ANXA13: variants seen among roughly 807,000 people sequenced by gnomAD.
ANXA13 encodes the protein annexin XIII.
ANXA13 carries 36 observed loss-of-function variants against 46.6 expected under a neutral mutation model. The observed-to-expected ratio is 0.77, with a 90% CI of 0.59 to 1.02. The LOEUF (loss-of-function observed/expected upper bound fraction) is 1.02, where lower values mean the gene tolerates loss of function less well. Among genes scored for constraint, ANXA13 ranks in the 50% least tolerant of loss-of-function variants. The probability of loss-of-function intolerance (pLI) is 0.00; values close to 1 mark genes in which losing one functional copy is unlikely to be tolerated. For synonymous variants in ANXA13, 163 were observed against 152.9 expected, an observed-to-expected ratio of 1.07 and a Z score of -0.49; for missense variants, 417 against 396.5, an observed-to-expected ratio of 1.05 and a Z score of -0.44.
chr8:123,705,729 C>T (rs1193988629), intron 2 of ANXA13, among the ~76,000 whole-genome samples: 3 of 151,940 alleles, frequency 2.0e-5, no homozygotes, highest in Admixed American at 2.0e-4. Context: ...CCTGAAGGAA[C>T]AAGATCGTGC....
intron 1 of ANXA13, chr8:123,735,693 T>C (rs2129962010): frequency 6.7e-7 from 1 of 1,496,372 alleles, no homozygotes; most frequent in Admixed American, 2.1e-5. Flanking sequence ...TGGGGGCTCA[T>C]ATTGGCCCCA....
At chr8:123,714,167 T>C (rs1318984626) in intron 1 of ANXA13, among the ~76,000 whole-genome samples, 1 of 152,192 alleles carries the variant, frequency 6.6e-6, no homozygotes, top group African/African-American at 2.4e-5. Context: ...CTTATTCTCC[T>C]TATTTCCCCT....
At chr8:123,713,530 T>G (rs999852728) in intron 1 of ANXA13, among the ~76,000 whole-genome samples, 4 of 152,192 alleles carry the variant, frequency 2.6e-5, no homozygotes, top group African/African-American at 9.7e-5. Flanking sequence ...CAGTATTGCT[T>G]GCATAAATGG....
At chr8:123,715,295 T>A (rs1340730910) in intron 1 of ANXA13, among the ~76,000 whole-genome samples, 1 of 152,214 alleles carries the variant, frequency 6.6e-6, no homozygotes, top group Non-Finnish European at 1.5e-5. Flanking sequence ...GCTGCACACT[T>A]ATAAAGGCCA....
At chr8:123,683,038 C>G (rs1813067003) in intron 10 of ANXA13, among the ~76,000 whole-genome samples, 1 of 152,166 alleles carries the variant, frequency 6.6e-6, no homozygotes, top group South Asian at 2.1e-4. Flanking sequence ...CTCAAGATCT[C>G]TCATCTCTCA....
rs78928798 is a variant in ANXA13, at chr8:123,715,748, G to A, written c.16-2995C>T. ...GAAGCTGTGAGGGCTTGCAGAGACC[G>A]TGTGGAGACTTGTCTAAGATCACCT... On this transcript the variant is annotated intron_variant, in intron 1 of 10. Transcript: ENST00000419625. Among the ~76,000 whole-genome samples the A allele has an allele frequency of 1.9e-3, 286 of 152,328 alleles. 2 individuals carry two copies. The highest frequency in any genetic ancestry group is 6.2e-3 in the African/African-American group (258 of 41,576).
intron 1 of ANXA13, among the ~76,000 whole-genome samples, chr8:123,722,342 A>AAAAGAAAAGAAAGAAAGAAAG (rs774963834): frequency 1.2e-4 from 16 of 136,860 alleles, no homozygotes; most frequent in Admixed American, 2.3e-4. Flanking sequence ...GAAAGAAAAG[A>AAAAGAAAAGAAAGAAAGAAAG]AAAGAAAGAA....
intron 4 of ANXA13, among the ~76,000 whole-genome samples, chr8:123,697,499 C>T (rs919920514): frequency 3.3e-5 from 5 of 152,134 alleles, no homozygotes; most frequent in African/African-American, 9.7e-5. Flanking sequence ...TAGCCTGGAC[C>T]CTGGCGGCAC....
At chr8:123,683,861 A>G (rs1344437063) in intron 10 of ANXA13, among the ~76,000 whole-genome samples, 1 of 152,190 alleles carries the variant, frequency 6.6e-6, no homozygotes, top group African/African-American at 2.4e-5. Flanking sequence ...TGCTGGGATT[A>G]CAGGCATGAG....
chr8:123,688,919 T>C lies in ANXA13; in HGVS notation c.670A>G (p.Ile224Val), dbSNP rs765213376. ...ILIGKDIEEA[I>V]EEETSGDLQK... ...AAGTCGCCTGATGTTTCTTCTTCAA[T>C]GGCTTCTTCTATGTCTTTGCCAATG... The change falls in exon 9 of 11, where the codon ATT (isoleucine) becomes GTT (valine). Residue 224 changes from isoleucine (I) to valine (V), a missense_variant. Coordinates refer to ENST00000419625, the MANE Select transcript of ANXA13 (RefSeq NM_004306.4). 5.0e-6 allele frequency: 8 copies of C among 1,613,840 alleles called. No homozygotes were observed. The South Asian group carries it at 8.8e-5, about 18-fold the overall frequency.
chr8:123,718,602 C>G (rs988670531), intron 1 of ANXA13, among the ~76,000 whole-genome samples: 2 of 152,218 alleles, frequency 1.3e-5, no homozygotes, highest in Admixed American at 1.3e-4. Flanking sequence ...GGTGCATGAA[C>G]AAGGCAGCAC....
At chr8:123,715,666 C>G (rs1005584785) in intron 1 of ANXA13, among the ~76,000 whole-genome samples, 3 of 152,216 alleles carry the variant, frequency 2.0e-5, no homozygotes, top group African/African-American at 7.2e-5. Flanking sequence ...GCTTGCCAAG[C>G]CTGGTGCTGG....
intron 2 of ANXA13, among the ~76,000 whole-genome samples, chr8:123,706,215 T>C (rs1813536738): frequency 6.6e-6 from 1 of 152,220 alleles, no homozygotes; most frequent in South Asian, 2.1e-4. Context: ...GGGAATCCAA[T>C]TACTCATTCT....
At position 123,681,096 on chromosome 8, in the gene ANXA13, G is replaced by T; in HGVS notation, c.*144C>A. On this transcript the variant is annotated 3_prime_UTR_variant, in exon 11 of 11. Transcript: ENST00000419625. ...TACTGCCCTTAACTTACACAGCTTGGCCTGGCTGCGCCACTTAAGCTGCCA... is the reference window on the plus strand; with the variant it reads ...TACTGCCCTTAACTTACACAGCTTGTCCTGGCTGCGCCACTTAAGCTGCCA... 8.6e-7 allele frequency: 1 copy of T among 1,161,868 alleles called. No homozygotes were observed. Among genetic ancestry groups the T allele is most frequent in the Non-Finnish European group, 1.2e-6 (1 of 843,080 alleles). The allele number at this position is 1,161,868 out of a possible 1,614,324, so 72.0% of individuals were successfully genotyped here.
At chr8:123,718,762 C>T (rs769667858) in intron 1 of ANXA13, among the ~76,000 whole-genome samples, 2 of 152,142 alleles carry the variant, frequency 1.3e-5, no homozygotes, top group East Asian at 3.8e-4. Context: ...AGAAAATAAA[C>T]GAGATGCTCT....
intron 3 of ANXA13, among the ~76,000 whole-genome samples, chr8:123,700,686 T>C (rs1264239477): frequency 3.9e-5 from 6 of 152,238 alleles, no homozygotes; most frequent in African/African-American, 1.4e-4. Flanking sequence ...TAAGAAGCAT[T>C]GTATCCGATT....
At chr8:123,709,641 T>C (rs1813616543) in intron 2 of ANXA13, among the ~76,000 whole-genome samples, 2 of 152,246 alleles carry the variant, frequency 1.3e-5, no homozygotes, top group African/African-American at 2.4e-5. Flanking sequence ...TGGGTTTTAA[T>C]ATGTAGCCAT....
At chr8:123,722,080 G>A (rs781647852) in intron 1 of ANXA13, among the ~76,000 whole-genome samples, 1 of 152,152 alleles carries the variant, frequency 6.6e-6, no homozygotes, top group Non-Finnish European at 1.5e-5. Context: ...CAAGGCGGGA[G>A]GATTGCTTGA....
intron 3 of ANXA13, 65 bp downstream of exon 3, chr8:123,702,577 A>C (rs1351469800): frequency 7.6e-7 from 1 of 1,310,382 alleles, no homozygotes; most frequent in East Asian, 2.3e-5. Context: ...GCCTGGGGAC[A>C]TGAGGAAGCC....
Sources: gnomAD v4.1 joint callset for allele counts (sites outside exome capture counted in the v4.1 genomes callset) on GRCh38, gnomAD v4.1.1 for gene constraint, MANE v1.5 for transcripts, NCBI Gene and HGNC (gene_info 2026-07-23, HGNC 2026-07-21) for gene names.